ADGRL2: variants seen among roughly 807,000 people sequenced by gnomAD.
ADGRL2 encodes the protein calcium-independent alpha-latrotoxin receptor 2.
ADGRL2 carries 44 observed loss-of-function variants against 157.4 expected under a neutral mutation model. The observed-to-expected ratio is 0.28, with a 90% CI of 0.22 to 0.36. The LOEUF (loss-of-function observed/expected upper bound fraction) is 0.36, where lower values mean the gene tolerates loss of function less well. Ranked by LOEUF, ADGRL2 falls within the 10% of genes least tolerant of loss-of-function variation. ADGRL2 has a pLI of 1.00. For missense variants in ADGRL2, 1,510 were observed against 1,768.9 expected, an observed-to-expected ratio of 0.85 and a Z score of 2.63; for synonymous variants, 585 against 624.7, an observed-to-expected ratio of 0.94 and a Z score of 0.95.
At chr1:81,713,804 G>T (rs78176840) in intron 1 of ADGRL2, among the ~76,000 whole-genome samples, 2 of 152,194 alleles carry the variant, frequency 1.3e-5, no homozygotes, top group Non-Finnish European at 2.9e-5. Context: ...TGTCTCAAAA[G>T]CCCTAGATCA....
At chr1:81,487,091 C>CAAAAAAAA (rs146122539) in intron 2 of ADGRL2, among the ~76,000 whole-genome samples, 1 of 85,276 alleles carries the variant, frequency 1.2e-5, no homozygotes. Flanking sequence ...CTCATCTCTA[C>CAAAAAAAA]AAAAAAAAAA....
chr1:81,696,485 G>A (rs915679289), upstream of ADGRL2, among the ~76,000 whole-genome samples: 1 of 152,118 alleles, frequency 6.6e-6, no homozygotes, highest in Non-Finnish European at 1.5e-5. Flanking sequence ...AGGCGCGGTG[G>A]CTCACGCCTG....
At chr1:81,582,145 A>C (rs1259177841) in intron 3 of ADGRL2, among the ~76,000 whole-genome samples, 1 of 152,060 alleles carries the variant, frequency 6.6e-6, no homozygotes, top group Non-Finnish European at 1.5e-5. Flanking sequence ...ATTTGAACCC[A>C]GGAGGTGGAG....
intron 3 of ADGRL2, among the ~76,000 whole-genome samples, chr1:81,654,996 T>G (rs1253129844): frequency 1.3e-5 from 2 of 152,166 alleles, no homozygotes; most frequent in East Asian, 3.9e-4. Context: ...TCACCCAGGC[T>G]GGAGTGCAGT....
At chr1:81,671,526 T>C (rs926879456) in intron 3 of ADGRL2, among the ~76,000 whole-genome samples, 1 of 152,098 alleles carries the variant, frequency 6.6e-6, no homozygotes. Context: ...TCCTTTTTTT[T>C]TTTTTAAACA....
intron 1 of ADGRL2, among the ~76,000 whole-genome samples, chr1:81,421,746 C>T (rs2077128985): frequency 6.6e-6 from 1 of 151,528 alleles, no homozygotes; most frequent in Admixed American, 6.6e-5. Flanking sequence ...GATAAAAAAG[C>T]AAATGGAAAT....
chr1:81,325,743 C>T (rs1308625803), intron 1 of ADGRL2, among the ~76,000 whole-genome samples: 1 of 152,034 alleles, frequency 6.6e-6, no homozygotes, highest in African/African-American at 2.4e-5. Context: ...TTCAAGCATC[C>T]CTCTCAACCC....
intron 3 of ADGRL2, among the ~76,000 whole-genome samples, chr1:81,674,438 C>G (rs1350568611): frequency 6.6e-6 from 1 of 152,186 alleles, no homozygotes; most frequent in African/African-American, 2.4e-5. Context: ...TCTTTCCTGA[C>G]AGCCCAAACT....
chr1:81,562,038 A>G (rs2080455103), intron 2 of ADGRL2, among the ~76,000 whole-genome samples: 1 of 152,198 alleles, frequency 6.6e-6, no homozygotes, highest in Admixed American at 6.5e-5. Flanking sequence ...TAAAACTCTA[A>G]TTTTTAAGGT....
intron 1 of ADGRL2, among the ~76,000 whole-genome samples, chr1:81,717,450 T>G (rs537736014): frequency 1.3e-5 from 2 of 152,314 alleles, no homozygotes; most frequent in South Asian, 4.1e-4. Context: ...GGCAATGAAG[T>G]GAAATGTCAA....
intron 2 of ADGRL2, among the ~76,000 whole-genome samples, chr1:81,870,214 A>AACAAG (rs1228683950): frequency 2.6e-5 from 4 of 151,506 alleles, no homozygotes; most frequent in Non-Finnish European, 5.9e-5. Flanking sequence ...ATGATTTGCA[A>AACAAG]ACAAAACACC....
intron 1 of ADGRL2, among the ~76,000 whole-genome samples, chr1:81,401,608 G>C (rs895217951): frequency 2.6e-5 from 4 of 152,132 alleles, no homozygotes; most frequent in African/African-American, 9.7e-5. Context: ...TGAGTGCTAG[G>C]AGCTTCTAGT....
chr1:81,472,771 T>A (rs1047752378), intron 2 of ADGRL2, among the ~76,000 whole-genome samples: 1 of 152,182 alleles, frequency 6.6e-6, no homozygotes, highest in African/African-American at 2.4e-5. Flanking sequence ...CATAATGAAA[T>A]TTTAGGATGA....
intron 2 of ADGRL2, among the ~76,000 whole-genome samples, chr1:81,888,695 G>GC (rs1463856299): frequency 2.6e-5 from 4 of 152,012 alleles, no homozygotes; most frequent in East Asian, 1.9e-4. Context: ...CTCGTGATCT[G>GC]CCCCCCTTGG....
intron 1 of ADGRL2, among the ~76,000 whole-genome samples, chr1:81,355,683 G>T (rs921899762): frequency 1.3e-5 from 2 of 152,162 alleles, no homozygotes; most frequent in African/African-American, 4.8e-5. Context: ...GCAGAACCCT[G>T]CATGGGAAGA....
chr1:81,587,340 A>G (rs1297685701), intron 3 of ADGRL2, among the ~76,000 whole-genome samples: 8 of 152,088 alleles, frequency 5.3e-5, no homozygotes, highest in Non-Finnish European at 1.5e-5. Flanking sequence ...TGAGTTTGGA[A>G]AGAGGTATTG....
chr1:81,797,048 A>G (rs1022223636), upstream of ADGRL2, among the ~76,000 whole-genome samples: 1 of 152,176 alleles, frequency 6.6e-6, no homozygotes, highest in African/African-American at 2.4e-5. Context: ...ACTTTCAACA[A>G]GTTCTAGTTA....
At chr1:81,356,952 C>CAAAAAAAAAAAAAAAAAAAAAAAAA (rs757239865) in intron 1 of ADGRL2, among the ~76,000 whole-genome samples, 23 of 55,672 alleles carry the variant, frequency 4.1e-4, no homozygotes, top group African/African-American at 1.5e-3. Context: ...GACTCCGTCT[C>CAAAAAAAAAAAAAAAAAAAAAAAAA]AAAAAAAAAA....
intron 2 of ADGRL2, among the ~76,000 whole-genome samples, chr1:81,553,665 A>T (rs1320450380): frequency 6.6e-6 from 1 of 152,246 alleles, no homozygotes; most frequent in African/African-American, 2.4e-5. Context: ...GACCATAATG[A>T]CACAGAATAC....
Sources: gnomAD v4.1 joint callset for allele counts (sites outside exome capture counted in the v4.1 genomes callset) on GRCh38, gnomAD v4.1.1 for gene constraint, MANE v1.5 for transcripts, NCBI Gene and HGNC (gene_info 2026-07-23, HGNC 2026-07-21) for gene names.